Variants in ITIH6 observed in about 807,000 individuals in gnomAD.
ITIH6 encodes inter-alpha-trypsin inhibitor heavy chain family member 6.
A neutral mutation model predicts 58.2 loss-of-function variants in ITIH6; 60 were observed. The observed-to-expected ratio is 1.03, with a 90% CI of 0.84 to 1.28. The LOEUF is 1.28. ITIH6 is among the 50% of genes most tolerant of loss of function. The probability of loss-of-function intolerance (pLI) is 0.00; values close to 1 mark genes in which losing one functional copy is unlikely to be tolerated. For synonymous variants in ITIH6, 493 were observed against 417.4 expected (o/e 1.18, Z -2.21); for missense variants, 1,290 against 1,021.1 (o/e 1.26, Z -3.59).
Position 54,754,997 on chromosome X carries a change from C to G in ITIH6, c.3202+20G>C. 8.7e-7 allele frequency: 1 copy of G among 1,152,065 alleles called. No homozygotes were observed. The highest frequency in any genetic ancestry group is 1.2e-6 in the Non-Finnish European group (1 of 842,935). The allele number at this position is 1,152,065 out of a possible 1,213,427, so 94.9% of individuals were successfully genotyped here. ...AAATGAAGGCCCAGGGGATCTTTGTCAGGAGAGCTCCTTGCTCACCTTTTG... is the reference window on the plus strand; with the variant it reads ...AAATGAAGGCCCAGGGGATCTTTGTGAGGAGAGCTCCTTGCTCACCTTTTG... On this transcript the variant is annotated intron_variant, in intron 9 of 12. Coordinates refer to ENST00000218436, the MANE Select transcript of ITIH6 (RefSeq NM_198510.3).
At chrX:54,760,639 C>T (rs1928617701) in intron 6 of ITIH6, among the ~76,000 whole-genome samples, 1 of 111,039 alleles carries the variant, frequency 9.0e-6, no homozygotes, top group African/African-American at 3.3e-5. Context: ...TTCCTGTGTC[C>T]ATGTGTTCTC....
chrX:54,770,698 A>G (rs1054806072), intron 6 of ITIH6, among the ~76,000 whole-genome samples: 1 of 112,358 alleles, frequency 8.9e-6, no homozygotes, highest in Non-Finnish European at 1.9e-5. Flanking sequence ...CCTAAGCTAC[A>G]TTCACTAAAT....
chrX:54,765,338 G>A (rs1928750002), intron 6 of ITIH6, among the ~76,000 whole-genome samples: 1 of 71,494 alleles, frequency 1.4e-5, no homozygotes, highest in Non-Finnish European at 2.6e-5. Flanking sequence ...CCTTGCCCAC[G>A]CCTATGTCCT....
intron 6 of ITIH6, among the ~76,000 whole-genome samples, chrX:54,764,578 A>G (rs1928727630): frequency 9.5e-6 from 1 of 105,031 alleles, no homozygotes; most frequent in Non-Finnish European, 2.0e-5. Context: ...GTCCCTACAA[A>G]GGACATGAAC....
chrX:54,790,789 T>C (rs1175176954), intron 4 of ITIH6, 48 bp downstream of exon 4: 1 of 1,198,914 alleles, frequency 8.3e-7, no homozygotes, highest in Non-Finnish European at 1.1e-6. Context: ...AAGGTTTTCA[T>C]TCAGTGAAGG....
At position 54,760,514 on chromosome X, in the gene ITIH6, T is replaced by C. The variant is rs758370674; in HGVS notation, c.904-587A>G. ...TGCAGGTTTGTTACATATGTATACA[T>C]GTGCCATGTTGGTGTGCTGCACCCA... is the stretch of plus-strand genomic sequence containing the variant. On this transcript the variant is annotated intron_variant, in intron 6 of 12. Coordinates refer to ENST00000218436, the MANE Select transcript of ITIH6 (RefSeq NM_198510.3). 4.5e-5 allele frequency among the ~76,000 whole-genome samples: 5 copies of C among 111,626 alleles called. No homozygotes were observed. The South Asian group carries it at 1.5e-3, about 34-fold the overall frequency.
At position 54,749,806 on chromosome X, in the gene ITIH6, G is replaced by T. The variant is rs899809929; in HGVS notation, c.*89C>A. On this transcript the variant is annotated 3_prime_UTR_variant, in exon 13 of 13. Transcript: ENST00000218436. Reference sequence around the variant, plus strand: ...TGTGTGTCCCTGTGTGTGCTTCCATGTCCTTGGGTCTCTGTCCCTGGCTCA... The same window carrying T: ...TGTGTGTCCCTGTGTGTGCTTCCATTTCCTTGGGTCTCTGTCCCTGGCTCA... 1.4e-6 allele frequency: 1 copy of T among 720,156 alleles called. No homozygotes were observed. The highest frequency in any genetic ancestry group is 2.1e-6 in the Non-Finnish European group (1 of 485,954). The allele number at this position is 720,156 out of a possible 1,213,427, so 59.3% of individuals were successfully genotyped here. A position where few individuals can be genotyped will look rare whatever the true frequency, so the allele number is the denominator to read the frequency against.
chrX:54,753,797 A>G, intron 10 of ITIH6, 33 bp from the exon 11 acceptor site: 2 of 1,144,212 alleles, frequency 1.7e-6, no homozygotes, highest in South Asian at 3.6e-5. Context: ...CTAAAGTTAA[A>G]GGAATAAATG....
intron 4 of ITIH6, among the ~76,000 whole-genome samples, chrX:54,789,895 A>C (rs1304548788): frequency 9.0e-6 from 1 of 110,676 alleles, no homozygotes; most frequent in Non-Finnish European, 1.9e-5. Flanking sequence ...TGTAGATGGC[A>C]TCTCGTCCAT....
At chrX:54,786,266 C>G (rs1461695291) in intron 5 of ITIH6, among the ~76,000 whole-genome samples, 2 of 111,873 alleles carry the variant, frequency 1.8e-5, no homozygotes, top group African/African-American at 6.5e-5. Flanking sequence ...AGGCCACCCT[C>G]CTCTTCATCC....
At chrX:54,764,157 C>A (rs544156248) in intron 6 of ITIH6, among the ~76,000 whole-genome samples, 58 of 111,513 alleles carry the variant, frequency 5.2e-4, no homozygotes, top group Admixed American at 4.8e-3. Context: ...GAGTATCTGT[C>A]TTTTAATTGG....
In ITIH6 at chrX:54,757,330, C is replaced by T. The variant is rs374186643; in HGVS notation, c.2744G>A (p.Ser915Asn). 1 of 1,199,747 alleles carries T rather than the reference C, an allele frequency of 8.3e-7. No homozygotes were observed. Among genetic ancestry groups the T allele is most frequent in the Non-Finnish European group, 1.1e-6 (1 of 890,086 alleles). ...PNTISSSTGP[S>N]STTTTSVLGE... is the part of the protein sequence containing the mutation. The stretch of plus-strand genomic sequence containing the variant: ...AAGGACAGAGGTGGTTGTGGTACTG[C>T]TGGGACCTGTGGAACTTGAGATTGT... The change falls in exon 8 of 13, where the codon AGC becomes AAC. Residue 915 changes from serine to asparagine, a missense_variant. Ser to Asn is a conservative substitution (Grantham distance 46, BLOSUM62 1). Transcript: ENST00000218436.
At chrX:54,762,842 G>A (rs1168799119) in intron 6 of ITIH6, among the ~76,000 whole-genome samples, 2 of 112,522 alleles carry the variant, frequency 1.8e-5, no homozygotes, top group Admixed American at 1.9e-4. Flanking sequence ...AGGGAATAGA[G>A]TGTGTAGGAT....
At chrX:54,785,092 C>A (rs1278351652) in intron 5 of ITIH6, among the ~76,000 whole-genome samples, 2 of 110,112 alleles carry the variant, frequency 1.8e-5, no homozygotes, top group Non-Finnish European at 3.8e-5. Flanking sequence ...ATAAGCCAGG[C>A]ACAGAAAGAC....
chrX:54,755,327 T>G (rs1928464269), intron 8 of ITIH6, among the ~76,000 whole-genome samples: 1 of 112,700 alleles, frequency 8.9e-6, no homozygotes, highest in South Asian at 3.6e-4. Flanking sequence ...ATTCATTCAT[T>G]CATTCATTCA....
intron 6 of ITIH6, among the ~76,000 whole-genome samples, chrX:54,763,901 C>G (rs1382280132): frequency 8.9e-6 from 1 of 112,189 alleles, no homozygotes; most frequent in African/African-American, 3.2e-5. Flanking sequence ...AGAATTTCCC[C>G]TTTACCATTA....
At chrX:54,753,521 C>T in intron 11 of ITIH6, 130 bp downstream of exon 11, 1 of 467,153 alleles carries the variant, frequency 2.1e-6, no homozygotes, top group Non-Finnish European at 3.8e-6. Context: ...TTGGTGTGTT[C>T]TTGTGTGTTA....
intron 6 of ITIH6, among the ~76,000 whole-genome samples, chrX:54,762,810 G>C (rs999945721): frequency 8.9e-6 from 1 of 112,301 alleles, no homozygotes; most frequent in Admixed American, 9.4e-5. Context: ...TACTAGCATA[G>C]GGCTAGGCCC....
intron 5 of ITIH6, chrX:54,787,283 G>A (rs188083627): frequency 8.9e-6 from 1 of 112,203 alleles, no homozygotes; most frequent in East Asian, 2.8e-4. Flanking sequence ...CCTTCTCTCT[G>A]CATGTCTTTC....
Sources: allele counts gnomAD v4.1 joint callset (sites outside exome capture counted in the v4.1 genomes callset), GRCh38; gene constraint gnomAD v4.1.1; transcripts MANE v1.5; gene names NCBI Gene and HGNC (gene_info 2026-07-23, HGNC 2026-07-21).